Variants in KLHL32 observed in about 807,000 individuals in gnomAD.
KLHL32 encodes the protein kelch like family member 32.
In KLHL32, 35 loss-of-function variants were observed where a neutral mutation model predicts 64.8. That is an observed-to-expected ratio of 0.54 (90% confidence interval 0.41 to 0.72). The LOEUF (loss-of-function observed/expected upper bound fraction) is 0.72, where lower values mean the gene tolerates loss of function less well. KLHL32 is among the 30% of genes least tolerant of loss of function. The pLI is 0.00. For synonymous variants in KLHL32, 259 were observed against 281.0 expected (o/e 0.92, Z 0.78); for missense variants, 589 against 768.5 (o/e 0.77, Z 2.76).
At chr6:97,095,721 G>A (rs1165265181) in intron 6 of KLHL32, among the ~76,000 whole-genome samples, 1 of 152,202 alleles carries the variant, frequency 6.6e-6, no homozygotes, top group Non-Finnish European at 1.5e-5. Context: ...AAAGCTTGTG[G>A]AAGGTGCCCG....
intron 3 of KLHL32, among the ~76,000 whole-genome samples, chr6:96,989,443 T>C (rs1002555822): frequency 2.0e-5 from 3 of 152,198 alleles, no homozygotes; most frequent in African/African-American, 7.2e-5. Flanking sequence ...TTCAGGCTTG[T>C]AGGGTTTCTT....
intron 10 of KLHL32, among the ~76,000 whole-genome samples, chr6:97,136,050 T>C (rs1799970107): frequency 6.6e-6 from 1 of 152,174 alleles, no homozygotes. Context: ...ATATAAAGGT[T>C]TAAATTTTTT....
intron 1 of KLHL32, among the ~76,000 whole-genome samples, chr6:96,942,157 C>G (rs893789012): frequency 1.3e-5 from 2 of 152,200 alleles, no homozygotes; most frequent in Non-Finnish European, 2.9e-5. Flanking sequence ...GCGGTTACCC[C>G]ACAGTCACTG....
chr6:97,130,950 G>T lies in KLHL32; in HGVS notation c.1606+1G>T. 1 of 1,607,200 alleles carries T rather than the reference G, an allele frequency of 6.2e-7. No individual in the cohort carries two copies. Among genetic ancestry groups the T allele is most frequent in the Non-Finnish European group, 8.5e-7 (1 of 1,176,066 alleles). ...CGTTGTAATTTCAACCTGCTGACTG[G>T]CAAGTACCTTTGATTAAGTAAATCA... On this transcript the variant is annotated splice_donor_variant, in intron 9 of 10. Coordinates refer to ENST00000369261, the MANE Select transcript of KLHL32 (RefSeq NM_052904.4). LOFTEE classifies it high-confidence loss of function.
chr6:97,033,882 T>A lies in KLHL32; in HGVS notation c.205-7610T>A, dbSNP rs113398616. ...TTTTAAAATTCAGTTATTTAATTAT[T>A]TATTTATTTTGCTATTGAATTTTGA... On this transcript the variant is annotated intron_variant, in intron 3 of 10. Coordinates refer to ENST00000369261, the MANE Select transcript of KLHL32 (RefSeq NM_052904.4). 7.5e-3 allele frequency among the ~76,000 whole-genome samples: 1,136 copies of A among 152,240 alleles called. 14 individuals are homozygous for A. Among genetic ancestry groups the A allele is most frequent in the African/African-American group, 0.025 (1,021 of 41,576 alleles).
At chr6:96,964,371 T>C (rs1472060323) in intron 1 of KLHL32, among the ~76,000 whole-genome samples, 3 of 152,188 alleles carry the variant, frequency 2.0e-5, no homozygotes, top group Non-Finnish European at 4.4e-5. Flanking sequence ...AACAAATATA[T>C]GGTCGGGCGC....
intron 3 of KLHL32, among the ~76,000 whole-genome samples, chr6:97,030,771 T>TA (rs1214978003): frequency 6.6e-6 from 1 of 152,252 alleles, no homozygotes; most frequent in Non-Finnish European, 1.5e-5. Context: ...TCTCTTTAGT[T>TA]ACGATTTTAC....
chr6:96,955,578 A>G (rs1403088105), intron 1 of KLHL32, among the ~76,000 whole-genome samples: 1 of 152,164 alleles, frequency 6.6e-6, no homozygotes, highest in Non-Finnish European at 1.5e-5. Flanking sequence ...TTGAATGGAT[A>G]TGTGTTCAAT....
chr6:97,083,920 G>C (rs1334343245), intron 5 of KLHL32, among the ~76,000 whole-genome samples: 3 of 152,114 alleles, frequency 2.0e-5, no homozygotes, highest in Non-Finnish European at 4.4e-5. Context: ...TTAACCAAAA[G>C]GACAAAAAGC....
intron 3 of KLHL32, chr6:96,994,388 C>T (rs186838686): frequency 2.0e-4 from 111 of 557,060 alleles, no homozygotes; most frequent in Middle Eastern, 9.0e-4. Flanking sequence ...TCTTAATATC[C>T]GGAAAATAAA....
In KLHL32 at chr6:97,127,486, C is replaced by A. The variant is rs1479270801; in HGVS notation, c.1413+24C>A. 4 of 1,569,906 alleles carry A rather than the reference C, an allele frequency of 2.5e-6. No homozygotes were observed. In the African/African-American group the frequency reaches 4.1e-5, roughly 16 times the overall value. On this transcript the variant is annotated intron_variant, in intron 8 of 10. Transcript: ENST00000369261. ...AGGTAAGAATCATGTAAGAACACCT[C>A]ATTATCTTAATTAATGAATTTTAAA...
chr6:96,967,762 T>C (rs1774626222), intron 2 of KLHL32, among the ~76,000 whole-genome samples: 1 of 152,054 alleles, frequency 6.6e-6, no homozygotes, highest in Admixed American at 6.6e-5. Flanking sequence ...CAAAAATAAT[T>C]GTGAAAGTGC....
intron 3 of KLHL32, among the ~76,000 whole-genome samples, chr6:97,039,349 G>A (rs1168282914): frequency 1.3e-5 from 2 of 152,146 alleles, no homozygotes; most frequent in Non-Finnish European, 2.9e-5. Flanking sequence ...ATCTCATGAA[G>A]ACATAGAGTA....
chr6:97,084,356 C>T (rs1206443290), intron 5 of KLHL32, among the ~76,000 whole-genome samples: 1 of 152,124 alleles, frequency 6.6e-6, no homozygotes, highest in African/African-American at 2.4e-5. Flanking sequence ...ACAGTGGAAG[C>T]TGTGGCTCTC....
chr6:97,025,115 G>T (rs1010733547), intron 3 of KLHL32: 2 of 985,056 alleles, frequency 2.0e-6, no homozygotes, highest in African/African-American at 3.5e-5. Context: ...TTACAAAAGA[G>T]GAGAAGACAT....
At chr6:97,050,951 C>T (rs1374330167) in intron 4 of KLHL32, among the ~76,000 whole-genome samples, 3 of 152,092 alleles carry the variant, frequency 2.0e-5, no homozygotes, top group East Asian at 1.9e-4. Context: ...TGCAGTGAGC[C>T]GAGATCATGC....
At chr6:96,931,650 G>A (rs1018207769) in intron 1 of KLHL32, among the ~76,000 whole-genome samples, 1 of 152,102 alleles carries the variant, frequency 6.6e-6, no homozygotes, top group Admixed American at 6.6e-5. Flanking sequence ...AACATTACTT[G>A]AGATACCTAA....
intron 5 of KLHL32, among the ~76,000 whole-genome samples, chr6:97,080,621 G>A (rs1177674678): frequency 6.6e-6 from 1 of 152,202 alleles, no homozygotes; most frequent in Non-Finnish European, 1.5e-5. Flanking sequence ...ACCTGACCCA[G>A]GGAAGTTGAA....
rs923797285 is a variant in KLHL32 at position 97,097,364 on chromosome 6, T to C, written c.627+12023T>C. 1.6e-4 allele frequency among the ~76,000 whole-genome samples: 24 copies of C among 152,170 alleles called. 1 individual carries two copies. Among genetic ancestry groups the C allele is most frequent in the Admixed American group, 5.2e-4 (8 of 15,268 alleles). On this transcript the variant is annotated intron_variant, in intron 6 of 10. Transcript: ENST00000369261. Reference sequence around the variant, plus strand: ...GCTGCTGTGATAATGAAAGGTTGATTATGATAGTTTGTGCCTCTTTCAGTT... The same window carrying C: ...GCTGCTGTGATAATGAAAGGTTGATCATGATAGTTTGTGCCTCTTTCAGTT...
Sources: allele counts gnomAD v4.1 joint callset (sites outside exome capture counted in the v4.1 genomes callset), GRCh38; gene constraint gnomAD v4.1.1; transcripts MANE v1.5; gene names NCBI Gene and HGNC (gene_info 2026-07-23, HGNC 2026-07-21).